Variants in NCAM2 observed in about 807,000 individuals in gnomAD.
NCAM2 encodes the protein neural cell adhesion molecule 2.
Under a neutral mutation model 98.1 loss-of-function variants are expected in NCAM2, and 30 were observed. The observed-to-expected ratio is 0.31, with a 90% CI of 0.23 to 0.41. NCAM2 has a LOEUF of 0.41. Among genes scored for constraint, NCAM2 ranks in the 10% least tolerant of loss-of-function variants. NCAM2 has a pLI of 1.00. For synonymous variants in NCAM2, 368 were observed against 342.4 expected (o/e 1.07, Z -0.83); for missense variants, 867 against 1,005.8 (o/e 0.86, Z 1.87).
chr21:20,998,673 A>G, intron 1 of NCAM2, 55 bp downstream of exon 1: 1 of 1,494,712 alleles, frequency 6.7e-7, no homozygotes, highest in East Asian at 2.3e-5. Context: ...CACCCGGCCA[A>G]GAGAGGCAAA....
At chr21:21,292,053 A>C in intron 4 of NCAM2, 51 bp from the exon 5 acceptor site, 1 of 1,576,550 alleles carries the variant, frequency 6.3e-7, no homozygotes. Flanking sequence ...AGCACTCTGG[A>C]CTTAGCCTTC....
intron 1 of NCAM2, among the ~76,000 whole-genome samples, chr21:21,174,017 G>A (rs540871759): frequency 2.0e-5 from 3 of 152,068 alleles, no homozygotes; most frequent in Non-Finnish European, 4.4e-5. Flanking sequence ...TCCGCCTCCC[G>A]AGTTCAAGCG....
At chr21:21,429,714 G>C (rs527479061) in intron 11 of NCAM2, among the ~76,000 whole-genome samples, 1 of 152,168 alleles carries the variant, frequency 6.6e-6, no homozygotes, top group Non-Finnish European at 1.5e-5. Context: ...CTTAAAATTT[G>C]TATTTCCAGA....
chr21:21,033,873 T>C (rs927138512), intron 1 of NCAM2, among the ~76,000 whole-genome samples: 13 of 152,158 alleles, frequency 8.5e-5, no homozygotes, highest in Non-Finnish European at 1.6e-4. Context: ...ACTATCCCCA[T>C]CTGCAGGCCC....
At chr21:21,383,795 C>T (rs555312292) in intron 9 of NCAM2, among the ~76,000 whole-genome samples, 1 of 151,988 alleles carries the variant, frequency 6.6e-6, no homozygotes, top group Admixed American at 6.6e-5. Flanking sequence ...CAGTTTTCAG[C>T]AGTATTTTTA....
At chr21:21,160,369 T>A (rs889561808) in intron 1 of NCAM2, among the ~76,000 whole-genome samples, 2 of 151,994 alleles carry the variant, frequency 1.3e-5, no homozygotes, top group Non-Finnish European at 2.9e-5. Flanking sequence ...TTTCAATACA[T>A]TGCCATTGCA....
At chr21:21,179,365 T>G (rs1228382066) in intron 1 of NCAM2, among the ~76,000 whole-genome samples, 1 of 152,180 alleles carries the variant, frequency 6.6e-6, no homozygotes, top group Admixed American at 6.6e-5. Flanking sequence ...TTGAAAGCAG[T>G]ACAAAGTCGA....
chr21:21,196,048 A>G (rs905325931), intron 1 of NCAM2, among the ~76,000 whole-genome samples: 3 of 152,214 alleles, frequency 2.0e-5, no homozygotes, highest in Non-Finnish European at 2.9e-5. Context: ...GGATCAGTGT[A>G]TGAAGTTTTT....
chr21:21,238,058 C>G (rs986945701), intron 1 of NCAM2, among the ~76,000 whole-genome samples: 3 of 143,912 alleles, frequency 2.1e-5, no homozygotes, highest in African/African-American at 7.8e-5. Context: ...TGGGTTCAAG[C>G]GATTCTCCTG....
chr21:21,133,652 A>G (rs1192856987), intron 1 of NCAM2, among the ~76,000 whole-genome samples: 1 of 152,202 alleles, frequency 6.6e-6, no homozygotes, highest in Non-Finnish European at 1.5e-5. Context: ...AGTCAATCCA[A>G]AAAAGATCTC....
At chr21:21,408,166 G>A (rs1602246479) in intron 9 of NCAM2, among the ~76,000 whole-genome samples, 1 of 152,128 alleles carries the variant, frequency 6.6e-6, no homozygotes, top group Non-Finnish European at 1.5e-5. Context: ...ATCACAGAAT[G>A]CTGTGGGTGC....
chr21:21,015,621 T>G (rs972412505), intron 1 of NCAM2, among the ~76,000 whole-genome samples: 3 of 152,212 alleles, frequency 2.0e-5, no homozygotes, highest in African/African-American at 7.2e-5. Flanking sequence ...CTTAGTTTAT[T>G]GTGATATATG....
At chr21:21,070,088 TC>T (rs1413423033) in intron 1 of NCAM2, among the ~76,000 whole-genome samples, 26 of 152,192 alleles carry the variant, frequency 1.7e-4, no homozygotes, top group African/African-American at 6.0e-4. Flanking sequence ...AATAGTAATG[TC>T]ATTGCCTGGT....
intron 9 of NCAM2, among the ~76,000 whole-genome samples, chr21:21,386,334 T>C (rs2076271052): frequency 6.6e-6 from 1 of 152,194 alleles, no homozygotes; most frequent in South Asian, 2.1e-4. Context: ...ACATTTTATA[T>C]CTGTGATTAA....
At chr21:21,347,958 T>C (rs1028034724) in intron 8 of NCAM2, among the ~76,000 whole-genome samples, 3 of 152,064 alleles carry the variant, frequency 2.0e-5, no homozygotes, top group African/African-American at 4.8e-5. Flanking sequence ...AGAAGGAATA[T>C]ATGTCAAAAT....
chr21:21,121,721 TTGGAAGTCTGA>T (rs1393942133), intron 1 of NCAM2, among the ~76,000 whole-genome samples: 4 of 152,204 alleles, frequency 2.6e-5, no homozygotes, highest in Non-Finnish European at 5.9e-5. Flanking sequence ...ACTAAAACGT[TTGGAAGTCTGA>T]TGGAAAAGGC....
intron 1 of NCAM2, among the ~76,000 whole-genome samples, chr21:21,057,785 C>T (rs1463454547): frequency 6.6e-6 from 1 of 152,100 alleles, no homozygotes; most frequent in Non-Finnish European, 1.5e-5. Flanking sequence ...ATATCATCTA[C>T]CTGTGCTCCT....
chr21:21,467,430 A>T (rs960075415), intron 13 of NCAM2, among the ~76,000 whole-genome samples: 9 of 147,096 alleles, frequency 6.1e-5, no homozygotes, highest in South Asian at 2.1e-4. Flanking sequence ...ATATCTTTTT[A>T]TATATATATA....
At chr21:21,270,739 C>T (rs915076874) in intron 1 of NCAM2, among the ~76,000 whole-genome samples, 6 of 152,122 alleles carry the variant, frequency 3.9e-5, no homozygotes, top group African/African-American at 1.4e-4. Context: ...TGATGTATTT[C>T]ACTTTAATTT....
Sources: allele counts gnomAD v4.1 joint callset (sites outside exome capture counted in the v4.1 genomes callset), GRCh38; gene constraint gnomAD v4.1.1; transcripts MANE v1.5; gene names NCBI Gene and HGNC (gene_info 2026-07-23, HGNC 2026-07-21).